The following TMEM132C variants were observed in gnomAD, a reference collection of about 807,000 sequenced individuals.
The protein encoded by TMEM132C is transmembrane protein 132C.
A neutral mutation model predicts 61.4 loss-of-function variants in TMEM132C; 29 were observed. The observed-to-expected ratio is 0.47, with a 90% CI of 0.35 to 0.64. TMEM132C has a LOEUF of 0.64. TMEM132C is among the 30% of genes least tolerant of loss of function. The pLI is 0.00. For missense variants in TMEM132C, 1,408 were observed against 1,476.9 expected (o/e 0.95, Z 0.76); for synonymous variants, 656 against 633.1 (o/e 1.04, Z -0.54).
chr12:128,655,029 T>C (rs6486709), intron 4 of TMEM132C, among the ~76,000 whole-genome samples: 34,411 of 152,014 alleles, frequency 0.23, 4,756 homozygotes, highest in African/African-American at 0.39. Context: ...GAATTGTTAG[T>C]GTTGTCATCA....
At chr12:128,438,901 G>A (rs1426743335) in intron 2 of TMEM132C, 1 of 152,142 alleles carries the variant, frequency 6.6e-6, no homozygotes, top group African/African-American at 2.4e-5. Flanking sequence ...GCACGCCAAT[G>A]TAAGCCTGAG....
In TMEM132C at chr12:128,705,482, G is replaced by A; in HGVS notation, c.2514G>A (p.Gly838=). The A allele has an allele frequency of 6.4e-7, 1 of 1,551,148 alleles. No individual in the cohort carries two copies. The highest frequency in any genetic ancestry group is 8.7e-7 in the Non-Finnish European group (1 of 1,146,896). Residue 838 remains glycine (G), a synonymous_variant, in exon 9 of 9, where the codon GGG becomes GGA. Coordinates refer to ENST00000435159, the MANE Select transcript of TMEM132C (RefSeq NM_001136103.3). ...GQHHERTGQD[G]HLYGSSPVER... is the part of the protein sequence containing the mutation. Reference sequence around the variant, plus strand: ...ACCATGAGCGCACAGGCCAAGATGGGCACCTCTATGGCAGCTCTCCCGTGG... The same window carrying A: ...ACCATGAGCGCACAGGCCAAGATGGACACCTCTATGGCAGCTCTCCCGTGG...
At chr12:128,518,880 A>G (rs995084881) in intron 2 of TMEM132C, among the ~76,000 whole-genome samples, 10 of 152,190 alleles carry the variant, frequency 6.6e-5, no homozygotes, top group African/African-American at 2.4e-4. Context: ...GGCAATTTAC[A>G]TAATCCTTTG....
intron 2 of TMEM132C, among the ~76,000 whole-genome samples, chr12:128,506,274 C>T (rs1265391670): frequency 6.6e-6 from 1 of 152,206 alleles, no homozygotes; most frequent in Non-Finnish European, 1.5e-5. Context: ...CATGGGTCTC[C>T]TGCAGATCTG....
At chr12:128,424,746 G>A (rs1049568065) in intron 2 of TMEM132C, among the ~76,000 whole-genome samples, 5 of 152,164 alleles carry the variant, frequency 3.3e-5, no homozygotes, top group Non-Finnish European at 7.3e-5. Context: ...TCATGGAAAA[G>A]GCTATTGTCC....
At chr12:128,454,298 G>A (rs76896203) in intron 2 of TMEM132C, among the ~76,000 whole-genome samples, 4,399 of 152,180 alleles carry the variant, frequency 0.029, 194 homozygotes, top group African/African-American at 0.097. Context: ...TCAAAGTTAC[G>A]GAAAATACTA....
At chr12:128,408,644 G>A (rs545540230) in intron 1 of TMEM132C, among the ~76,000 whole-genome samples, 2 of 152,274 alleles carry the variant, frequency 1.3e-5, no homozygotes, top group South Asian at 4.1e-4. Flanking sequence ...GTCATACCTC[G>A]GCAGGGCCTT....
intron 2 of TMEM132C, among the ~76,000 whole-genome samples, chr12:128,481,416 C>T (rs1185118826): frequency 2.7e-5 from 4 of 150,696 alleles, no homozygotes; most frequent in Non-Finnish European, 4.4e-5. Context: ...GGCTCTTCAC[C>T]TCTCTGCTGT....
chr12:128,556,541 C>T (rs1335698819), intron 3 of TMEM132C, among the ~76,000 whole-genome samples: 1 of 152,206 alleles, frequency 6.6e-6, no homozygotes, highest in Non-Finnish European at 1.5e-5. Flanking sequence ...GTCCCCAACC[C>T]ACAGGCTCTT....
chr12:128,683,666 A>C (rs1376452750), intron 5 of TMEM132C, among the ~76,000 whole-genome samples: 1 of 152,220 alleles, frequency 6.6e-6, no homozygotes, highest in Non-Finnish European at 1.5e-5. Context: ...TGTACAGCAG[A>C]CACTTAATAA....
chr12:128,580,691 G>A (rs1453376310), intron 3 of TMEM132C, among the ~76,000 whole-genome samples: 1 of 152,188 alleles, frequency 6.6e-6, no homozygotes, highest in Non-Finnish European at 1.5e-5. Context: ...TGATCAGGAT[G>A]GAGAAGGAGT....
intron 1 of TMEM132C, among the ~76,000 whole-genome samples, chr12:128,403,804 T>TA (rs1271156161): frequency 6.6e-6 from 1 of 152,242 alleles, no homozygotes; most frequent in Non-Finnish European, 1.5e-5. Flanking sequence ...ACCACTGTGA[T>TA]ACATTTCTTC....
intron 3 of TMEM132C, among the ~76,000 whole-genome samples, chr12:128,585,130 A>G (rs1565982075): frequency 6.6e-6 from 1 of 152,262 alleles, no homozygotes; most frequent in Non-Finnish European, 1.5e-5. Flanking sequence ...CTCTACACGT[A>G]CAGGCCGTGG....
At chr12:128,629,459 G>A (rs149602781) in intron 4 of TMEM132C, among the ~76,000 whole-genome samples, 98 of 152,194 alleles carry the variant, frequency 6.4e-4, no homozygotes, top group African/African-American at 2.3e-3. Flanking sequence ...CGATGGGAGT[G>A]AGATCCTGTC....
intron 2 of TMEM132C, among the ~76,000 whole-genome samples, chr12:128,427,997 G>C (rs1215631878): frequency 2.6e-5 from 4 of 152,200 alleles, no homozygotes; most frequent in Admixed American, 6.5e-5. Context: ...GATGGGACCT[G>C]TCGGTCCCAA....
chr12:128,353,466 T>C (rs1683743), intron 1 of TMEM132C, among the ~76,000 whole-genome samples: 127,267 of 152,132 alleles, frequency 0.84, 55,502 homozygotes, highest in East Asian at 0.97. Flanking sequence ...GGAAATGCAG[T>C]GGCAGCATTC....
chr12:128,557,532 T>G (rs1179295676), intron 3 of TMEM132C, among the ~76,000 whole-genome samples: 1 of 152,156 alleles, frequency 6.6e-6, no homozygotes, highest in African/African-American at 2.4e-5. Context: ...GAGGCACAGG[T>G]GAGGTCCTCC....
chr12:128,605,482 C>G (rs2135576772), intron 3 of TMEM132C, among the ~76,000 whole-genome samples: 1 of 152,322 alleles, frequency 6.6e-6, no homozygotes, highest in African/African-American at 2.4e-5. Context: ...CAGAAACACC[C>G]TCACAGATAC....
rs576170802 is a variant in TMEM132C, at chr12:128,554,507, C to T, written c.1121+10404C>T. 5.3e-5 allele frequency among the ~76,000 whole-genome samples: 8 copies of T among 152,260 alleles called. No individual in the cohort carries two copies. The East Asian group carries it at 5.8e-4, about 11-fold the overall frequency. On this transcript the variant is annotated intron_variant, in intron 3 of 8. Transcript: ENST00000435159. ...AAATCCCTGTGCAAATCAAACAAAA[C>T]GTATATTGTTCAGGAAAAATTGTTC...
Sources: gnomAD v4.1 joint callset for allele counts (sites outside exome capture counted in the v4.1 genomes callset) on GRCh38, gnomAD v4.1.1 for gene constraint, MANE v1.5 for transcripts, NCBI Gene and HGNC (gene_info 2026-07-23, HGNC 2026-07-21) for gene names.